C8orf34: variants seen among roughly 807,000 people sequenced by gnomAD.
The protein encoded by C8orf34 is uncharacterized protein C8orf34.
C8orf34 carries 65 observed loss-of-function variants against 68.3 expected under a neutral mutation model. The ratio of observed to expected loss-of-function variants is 0.95; its 90% CI spans 0.78 to 1.17. The LOEUF is 1.17. C8orf34 is among the 50% of genes most tolerant of loss of function. C8orf34 has a pLI of 0.00. For synonymous variants in C8orf34, 244 were observed against 241.2 expected (o/e 1.01, Z -0.11); for missense variants, 664 against 655.4 (o/e 1.01, Z -0.14).
At chr8:68,372,274 CAG>C (rs1177899359) in intron 1 of C8orf34, among the ~76,000 whole-genome samples, 3 of 152,186 alleles carry the variant, frequency 2.0e-5, no homozygotes, top group Non-Finnish European at 2.9e-5. Flanking sequence ...AAAAAGCAAA[CAG>C]GGAAAAACTG....
chr8:68,501,333 G>A (rs904423819), intron 5 of C8orf34, among the ~76,000 whole-genome samples: 4 of 152,196 alleles, frequency 2.6e-5, no homozygotes, highest in African/African-American at 9.6e-5. Context: ...GAAGGAGCAA[G>A]CTGAGAGGTT....
At chr8:68,454,402 C>T (rs1811465679) in intron 3 of C8orf34, among the ~76,000 whole-genome samples, 1 of 151,892 alleles carries the variant, frequency 6.6e-6, no homozygotes, top group Non-Finnish European at 1.5e-5. Flanking sequence ...CTGGCCTTGT[C>T]CTTGTTGGGA....
Position 68,787,532 on chromosome 8 carries a change from GA to G in C8orf34, c.1548del (p.Lys516AsnfsTer45). ...ESEGVEAEQE[K>X]RSADLLLCVP... Reference sequence around the variant, plus strand: ...GTGAAGGAGTGGAAGCAGAACAAGAGAAACGTGAGTAGACACTATTGTTTAT... The same window carrying G: ...GTGAAGGAGTGGAAGCAGAACAAGAGAACGTGAGTAGACACTATTGTTTAT... On this transcript the variant is annotated frameshift_variant, in exon 12 of 14. Coordinates refer to ENST00000518698, the MANE Select transcript of C8orf34 (RefSeq NM_052958.4). LOFTEE classifies it high-confidence loss of function. 6.2e-7 allele frequency: 1 copy of G among 1,603,534 alleles called. No homozygotes were observed. The highest frequency in any genetic ancestry group is 8.5e-7 in the Non-Finnish European group (1 of 1,172,982).
chr8:68,342,140 C>G (rs1806096878), intron 1 of C8orf34, among the ~76,000 whole-genome samples: 1 of 152,122 alleles, frequency 6.6e-6, no homozygotes, highest in African/African-American at 2.4e-5. Flanking sequence ...ATGATTTTGT[C>G]ATTTCATAGT....
intron 12 of C8orf34, among the ~76,000 whole-genome samples, chr8:68,804,581 G>A (rs1365595165): frequency 6.6e-6 from 1 of 152,050 alleles, no homozygotes; most frequent in Non-Finnish European, 1.5e-5. Flanking sequence ...AGGAGTTTGA[G>A]ACCAGCCTGG....
chr8:68,479,273 C>A (rs1812754495), intron 4 of C8orf34, among the ~76,000 whole-genome samples: 1 of 151,748 alleles, frequency 6.6e-6, no homozygotes, highest in Non-Finnish European at 1.5e-5. Flanking sequence ...GTACGTCCTG[C>A]AAAAAGTTAT....
chr8:68,464,646 C>T (rs1232605943), intron 3 of C8orf34, among the ~76,000 whole-genome samples: 17 of 151,818 alleles, frequency 1.1e-4, no homozygotes, highest in African/African-American at 3.4e-4. Flanking sequence ...AATAACACTG[C>T]ATATCTACAA....
intron 10 of C8orf34, among the ~76,000 whole-genome samples, chr8:68,730,390 A>G (rs1385763300): frequency 9.9e-5 from 15 of 152,156 alleles, no homozygotes; most frequent in Admixed American, 9.8e-4. Context: ...AGATGCCAAT[A>G]AAGCTGCTCA....
Position 68,521,960 on chromosome 8 carries a change from T to C in C8orf34, c.927T>C (p.Ser309=), listed in dbSNP as rs2289831. The change falls in exon 6 of 14, where the codon AGT becomes AGC. Residue 309 remains serine, a synonymous_variant. Transcript: ENST00000518698. ...GGGAAAGTGAAGATAGTGGCTCTAG[T>C]CCTGCAGGAAGGTGAGATGAGCTGT... ...DQWESEDSGS[S]PAGSLKMEPK... 0.15 allele frequency: 234,637 copies of C among 1,613,442 alleles called. 19,524 individuals carry two copies. The highest frequency in any genetic ancestry group is 0.36 in the African/African-American group (27,329 of 74,930).
intron 1 of C8orf34, among the ~76,000 whole-genome samples, chr8:68,435,095 T>C (rs1164695987): frequency 1.3e-5 from 2 of 148,256 alleles, no homozygotes; most frequent in Non-Finnish European, 3.0e-5. Context: ...TATCAGAAAA[T>C]ATAAGCCCAA....
intron 1 of C8orf34, among the ~76,000 whole-genome samples, chr8:68,353,126 G>A (rs544317859): frequency 3.9e-5 from 6 of 152,186 alleles, no homozygotes; most frequent in African/African-American, 1.2e-4. Context: ...TAGGAAATGG[G>A]TCATGAGCCT....
intron 8 of C8orf34, 109 bp from the exon 9 acceptor site, chr8:68,708,885 A>G: frequency 2.6e-6 from 2 of 757,484 alleles, no homozygotes; most frequent in Non-Finnish European, 4.4e-6. Flanking sequence ...GAACATGCAT[A>G]TCTGAGTTTA....
chr8:68,636,151 G>C (rs994538851), intron 7 of C8orf34, among the ~76,000 whole-genome samples: 5 of 152,116 alleles, frequency 3.3e-5, no homozygotes, highest in African/African-American at 1.2e-4. Context: ...GGTTTTGGGA[G>C]TGCATTTGGC....
chr8:68,724,855 GCTTT>G (rs1563631758), intron 10 of C8orf34, among the ~76,000 whole-genome samples: 1 of 151,966 alleles, frequency 6.6e-6, no homozygotes, highest in Non-Finnish European at 1.5e-5. Context: ...AATTTCTATG[GCTTT>G]CTTATTTTTT....
At chr8:68,695,638 T>C (rs945675612) in intron 8 of C8orf34, 7 of 152,154 alleles carry the variant, frequency 4.6e-5, no homozygotes, top group Admixed American at 3.9e-4. Context: ...TGCTCTGTAT[T>C]CTGAAATCAG....
intron 4 of C8orf34, among the ~76,000 whole-genome samples, chr8:68,482,684 G>T (rs1812912355): frequency 6.6e-6 from 1 of 152,100 alleles, no homozygotes; most frequent in African/African-American, 2.4e-5. Context: ...ATACTCAGTG[G>T]CATGCCAGTA....
At chr8:68,395,725 T>C (rs763816699) in intron 1 of C8orf34, among the ~76,000 whole-genome samples, 3 of 152,086 alleles carry the variant, frequency 2.0e-5, no homozygotes, top group Non-Finnish European at 4.4e-5. Context: ...AGAACTATAT[T>C]ATAAGAACAA....
chr8:68,471,531 T>C (rs751862411), intron 4 of C8orf34, among the ~76,000 whole-genome samples: 3 of 152,162 alleles, frequency 2.0e-5, no homozygotes, highest in Non-Finnish European at 4.4e-5. Flanking sequence ...CAGGATGTAA[T>C]TCATTTTTAT....
At chr8:68,447,443 C>G (rs1201787067) in intron 3 of C8orf34, 2 of 152,092 alleles carry the variant, frequency 1.3e-5, no homozygotes, top group African/African-American at 4.8e-5. Flanking sequence ...CTCTGCTATC[C>G]CCACATATGT....
Sources: gnomAD v4.1 joint callset for allele counts (sites outside exome capture counted in the v4.1 genomes callset) on GRCh38, gnomAD v4.1.1 for gene constraint, MANE v1.5 for transcripts, NCBI Gene and HGNC (gene_info 2026-07-23, HGNC 2026-07-21) for gene names.